Variants in ZDHHC20 observed in about 807,000 individuals in gnomAD.
ZDHHC20 encodes the protein palmitoyltransferase ZDHHC20.
Under a neutral mutation model 57.8 loss-of-function variants are expected in ZDHHC20, and 43 were observed. The ratio of observed to expected loss-of-function variants is 0.74; its 90% CI spans 0.58 to 0.96. The LOEUF (loss-of-function observed/expected upper bound fraction) is 0.96. Among genes scored for constraint, ZDHHC20 ranks in the 40% least tolerant of loss-of-function variants. The pLI is 0.00. For synonymous variants in ZDHHC20, 157 were observed against 153.0 expected (o/e 1.03, Z -0.19); for missense variants, 391 against 441.1 (o/e 0.89, Z 1.02).
At chr13:21,393,277 C>A (rs577845033) in intron 7 of ZDHHC20, among the ~76,000 whole-genome samples, 2 of 151,318 alleles carry the variant, frequency 1.3e-5, no homozygotes, top group African/African-American at 4.9e-5. Flanking sequence ...CGGAGACAGG[C>A]GGATCACTTG....
At chr13:21,414,628 C>G (rs968138027) in intron 3 of ZDHHC20, among the ~76,000 whole-genome samples, 2 of 151,214 alleles carry the variant, frequency 1.3e-5, no homozygotes, top group Non-Finnish European at 2.9e-5. Context: ...GCCTTGGCCT[C>G]CCAAAGTGGT....
At chr13:21,391,986 C>G (rs1187416757) in intron 7 of ZDHHC20, 132 bp from the exon 8 acceptor site, 2 of 1,031,672 alleles carry the variant, frequency 1.9e-6, no homozygotes, top group Non-Finnish European at 2.8e-6. Context: ...TTAATATATC[C>G]CAATGCAACA....
At chr13:21,379,459 A>C (rs551553711) in intron 11 of ZDHHC20, among the ~76,000 whole-genome samples, 7 of 152,042 alleles carry the variant, frequency 4.6e-5, no homozygotes, top group East Asian at 1.9e-4. Context: ...TTTTTTTCCC[A>C]AAGTTTTTCG....
chr13:21,382,816 G>T, intron 10 of ZDHHC20, 104 bp downstream of exon 10: 1 of 920,302 alleles, frequency 1.1e-6, no homozygotes, highest in Non-Finnish European at 1.6e-6. Context: ...AACTATGCTG[G>T]CTTACTAAAT....
chr13:21,394,590 G>A (rs1025795394), intron 7 of ZDHHC20, among the ~76,000 whole-genome samples: 8 of 152,064 alleles, frequency 5.3e-5, no homozygotes, highest in Non-Finnish European at 7.4e-5. Context: ...GTATATTTAC[G>A]TTTACAAGTC....
intron 2 of ZDHHC20, among the ~76,000 whole-genome samples, chr13:21,423,782 C>T (rs950595306): frequency 6.6e-6 from 1 of 151,496 alleles, no homozygotes; most frequent in African/African-American, 2.4e-5. Context: ...AACTTAGTTT[C>T]CTACTGCTAT....
intron 7 of ZDHHC20, among the ~76,000 whole-genome samples, chr13:21,399,125 T>G (rs946032489): frequency 2.0e-5 from 3 of 152,122 alleles, no homozygotes; most frequent in Non-Finnish European, 1.5e-5. Flanking sequence ...GGCAAATCAC[T>G]TGAAGTCAGG....
chr13:21,447,036 A>G (rs1174748263), intron 1 of ZDHHC20, among the ~76,000 whole-genome samples: 2 of 152,102 alleles, frequency 1.3e-5, no homozygotes, highest in Admixed American at 1.3e-4. Context: ...ATTAATTTGA[A>G]AAAGACCATT....
intron 1 of ZDHHC20, among the ~76,000 whole-genome samples, chr13:21,440,661 T>C (rs992781899): frequency 6.6e-6 from 1 of 151,982 alleles, no homozygotes; most frequent in Non-Finnish European, 1.5e-5. Flanking sequence ...TATATATATA[T>C]GACAAAAGAA....
At chr13:21,446,941 A>C (rs1373460191) in intron 1 of ZDHHC20, among the ~76,000 whole-genome samples, 1 of 152,160 alleles carries the variant, frequency 6.6e-6, no homozygotes, top group African/African-American at 2.4e-5. Context: ...ACAATGCCTT[A>C]AAGGCCATGG....
At chr13:21,446,601 A>G (rs1254394426) in intron 1 of ZDHHC20, among the ~76,000 whole-genome samples, 1 of 152,228 alleles carries the variant, frequency 6.6e-6, no homozygotes, top group Non-Finnish European at 1.5e-5. Context: ...TTAAAGACCT[A>G]TGGATCTCTA....
At chr13:21,437,124 G>A (rs1170730725) in intron 1 of ZDHHC20, among the ~76,000 whole-genome samples, 1 of 152,216 alleles carries the variant, frequency 6.6e-6, no homozygotes, top group African/African-American at 2.4e-5. Context: ...GCCTAACTCA[G>A]AGCAAAGTCC....
chr13:21,387,573 G>A lies in ZDHHC20; in HGVS notation c.789C>T (p.Cys263=). The change falls in exon 9 of 13, where the codon TGC becomes TGT. Residue 263 remains cysteine (C), a synonymous_variant. Transcript: ENST00000400590. ...GPDGNGFSLG[C]SKNWRQVFGD... is the part of the protein sequence containing the mutation. ...CAAAGACTTGTCTCCAATTTTTACT[G>A]CATCCAAGAGAGAAACCATTTCCAT... 1 of 1,521,332 alleles carries A rather than the reference G, an allele frequency of 6.6e-7. No homozygotes were observed. The highest frequency in any genetic ancestry group is 8.8e-7 in the Non-Finnish European group (1 of 1,131,110). The allele number at this position is 1,521,332 out of a possible 1,614,324, so 94.2% of individuals were successfully genotyped here.
intron 5 of ZDHHC20, 136 bp from the exon 6 acceptor site, chr13:21,401,821 G>C: frequency 1.4e-6 from 1 of 733,542 alleles, no homozygotes; most frequent in Non-Finnish European, 2.1e-6. Flanking sequence ...AACTAGGTTA[G>C]AGATAATTTC....
At chr13:21,445,083 T>C (rs967859075) in intron 1 of ZDHHC20, among the ~76,000 whole-genome samples, 2 of 151,664 alleles carry the variant, frequency 1.3e-5, no homozygotes, top group African/African-American at 4.9e-5. Flanking sequence ...CACACATACA[T>C]GTTTTACATG....
At chr13:21,448,610 T>C (rs868417996) in intron 1 of ZDHHC20, among the ~76,000 whole-genome samples, 21 of 73,450 alleles carry the variant, frequency 2.9e-4, no homozygotes, top group Middle Eastern at 8.1e-3. Flanking sequence ...GTCAGCCCCC[T>C]GCCCGGCCGG....
chr13:21,419,248 A>G (rs986789061), intron 3 of ZDHHC20, among the ~76,000 whole-genome samples: 2 of 152,166 alleles, frequency 1.3e-5, no homozygotes, highest in African/African-American at 4.8e-5. Flanking sequence ...AATTTGACTT[A>G]TAGTTTACTT....
rs546890164 is a variant in ZDHHC20, at chr13:21,405,179, A to G, written c.371-2313T>C. Among the ~76,000 whole-genome samples, 21 of 152,270 alleles carry G rather than the reference A, an allele frequency of 1.4e-4. No individual in the cohort carries two copies. The South Asian group carries it at 4.3e-3, about 32-fold the overall frequency. On this transcript the variant is annotated intron_variant, in intron 4 of 12. Transcript: ENST00000400590. ...GACATGTATTACTTCTATAATGTAA[A>G]TAAGAATTTCTCTAGAACAAAGGGA...
At chr13:21,459,019 C>G in intron 1 of ZDHHC20, 35 bp downstream of exon 1, 3 of 1,538,090 alleles carry the variant, frequency 2.0e-6, no homozygotes, top group Non-Finnish European at 2.7e-6. Flanking sequence ...AGCCGCGGCC[C>G]GCGCCCCGCC....
Sources: allele counts gnomAD v4.1 joint callset (sites outside exome capture counted in the v4.1 genomes callset), GRCh38; gene constraint gnomAD v4.1.1; transcripts MANE v1.5; gene names NCBI Gene and HGNC (gene_info 2026-07-23, HGNC 2026-07-21).